EPHA5: variants seen among roughly 807,000 people sequenced by gnomAD.
The protein encoded by EPHA5 is EPH receptor A5, also known as ephrin type-A receptor 5.
EPHA5 carries 60 observed loss-of-function variants against 105.0 expected under a neutral mutation model. The ratio of observed to expected loss-of-function variants is 0.57; its 90% confidence interval spans 0.46 to 0.71. The LOEUF is 0.71. Among genes scored for constraint, EPHA5 ranks in the 30% least tolerant of loss-of-function variants. The pLI, the probability that EPHA5 is intolerant of heterozygous loss-of-function variation, is 0.00. For missense variants in EPHA5, 1,218 were observed against 1,274.7 expected (o/e 0.96, Z 0.68); for synonymous variants, 513 against 449.1 (o/e 1.14, Z -1.80).
At chr4:65,506,766 A>G (rs997944083) in intron 3 of EPHA5, among the ~76,000 whole-genome samples, 4 of 151,464 alleles carry the variant, frequency 2.6e-5, no homozygotes, top group African/African-American at 9.7e-5. Context: ...TCGATTCTGG[A>G]TATTAGCCCT....
intron 8 of EPHA5, among the ~76,000 whole-genome samples, chr4:65,379,825 C>T (rs1388682353): frequency 1.3e-5 from 2 of 151,578 alleles, no homozygotes; most frequent in Non-Finnish European, 1.5e-5. Context: ...ATCATTTCCA[C>T]GAAATACGTT....
rs983755524 is a variant in EPHA5 at position 65,639,735 on chromosome 4, G to A, written c.246+3628C>T. Among the ~76,000 whole-genome samples, 6 of 152,004 alleles carry A rather than the reference G, an allele frequency of 3.9e-5. No individual in the cohort carries two copies. In the East Asian group the frequency reaches 7.7e-4, roughly 20 times the overall value. ...CCATTATATCTGTGTTCTTTCCACC[G>A]ATCTCTAAGTTTCTGTTTATTTCTG... is the stretch of plus-strand genomic sequence containing the variant. On this transcript the variant is annotated intron_variant, in intron 2 of 16. Transcript: ENST00000613740.
chr4:65,596,419 G>T (rs1420412577), intron 3 of EPHA5, among the ~76,000 whole-genome samples: 1 of 151,650 alleles, frequency 6.6e-6, no homozygotes, highest in African/African-American at 2.4e-5. Flanking sequence ...TAATTATCTG[G>T]CCCAAAATAT....
chr4:65,571,193 A>C (rs1451579685), intron 3 of EPHA5, among the ~76,000 whole-genome samples: 1 of 152,086 alleles, frequency 6.6e-6, no homozygotes, highest in Non-Finnish European at 1.5e-5. Flanking sequence ...TTATGGAAGT[A>C]ATGGAATGGG....
chr4:65,608,360 C>T (rs1371589697), intron 2 of EPHA5, among the ~76,000 whole-genome samples: 2 of 151,844 alleles, frequency 1.3e-5, no homozygotes, highest in Non-Finnish European at 2.9e-5. Context: ...AAAAATTAGC[C>T]GGGCGTGGTG....
intron 5 of EPHA5, among the ~76,000 whole-genome samples, chr4:65,468,342 CA>C (rs1430054522): frequency 6.6e-6 from 1 of 150,690 alleles, no homozygotes; most frequent in African/African-American, 2.4e-5. Context: ...TAAAATGTCA[CA>C]ATATATATTT....
chr4:65,616,992 ATACAG>A (rs1340210503), intron 2 of EPHA5, among the ~76,000 whole-genome samples: 2 of 152,104 alleles, frequency 1.3e-5, no homozygotes, highest in Non-Finnish European at 2.9e-5. Flanking sequence ...TAGAAAAGCG[ATACAG>A]TAAATTATAC....
At chr4:65,554,556 A>G (rs1398765142) in intron 3 of EPHA5, among the ~76,000 whole-genome samples, 2 of 151,528 alleles carry the variant, frequency 1.3e-5, no homozygotes, top group African/African-American at 2.4e-5. Flanking sequence ...AAATAATTAT[A>G]ATAAATGTAT....
intron 13 of EPHA5, among the ~76,000 whole-genome samples, chr4:65,350,166 A>G (rs13123585): frequency 0.56 from 85,754 of 151,844 alleles, 24,653 homozygotes; most frequent in East Asian, 0.81. Context: ...AATTTATTAA[A>G]GGTAACTCTA....
chr4:65,366,962 T>G (rs1467490792), intron 9 of EPHA5, among the ~76,000 whole-genome samples: 1 of 147,918 alleles, frequency 6.8e-6, no homozygotes, highest in South Asian at 2.1e-4. Context: ...CACTAAAAGC[T>G]AGAAGAAAAA....
At chr4:65,579,831 T>C (rs576164155) in intron 3 of EPHA5, among the ~76,000 whole-genome samples, 92 of 152,120 alleles carry the variant, frequency 6.0e-4, no homozygotes, top group African/African-American at 2.2e-3. Flanking sequence ...AGCCGATCAA[T>C]GTAAACATAC....
In EPHA5 at chr4:65,403,669, G is replaced by A. The variant is rs940263187; in HGVS notation, c.1793+705C>T. Among the ~76,000 whole-genome samples the A allele has an allele frequency of 4.0e-5, 6 of 151,858 alleles. No individual in the cohort carries two copies. In the South Asian group the frequency reaches 1.3e-3, roughly 32 times the overall value. On this transcript the variant is annotated intron_variant, in intron 8 of 16. Coordinates refer to ENST00000613740, the MANE Select transcript of EPHA5 (RefSeq NM_001281766.3). ...TTTTATTTTTAAGGAGGTTGATTAT[G>A]CTCAGCTTAATATCAGAAAGCACCT... is the stretch of plus-strand genomic sequence containing the variant.
chr4:65,634,032 A>C lies in EPHA5; in HGVS notation c.246+9331T>G, dbSNP rs137859102. The stretch of plus-strand genomic sequence containing the variant: ...GATTTCACTGCATGAACTGCTAACG[A>C]GGAGGAACAGAGTTTGTCTGGATGT... On this transcript the variant is annotated intron_variant, in intron 2 of 16. Coordinates refer to ENST00000613740, the MANE Select transcript of EPHA5 (RefSeq NM_001281766.3). Among the ~76,000 whole-genome samples the C allele has an allele frequency of 4.6e-5, 7 of 152,164 alleles. No homozygotes were observed. The East Asian group carries it at 1.4e-3, about 29-fold the overall frequency.
chr4:65,450,269 G>A (rs1241417993), intron 5 of EPHA5, among the ~76,000 whole-genome samples: 12 of 152,080 alleles, frequency 7.9e-5, no homozygotes. Flanking sequence ...ATCTCATTTA[G>A]AAAACAAAAG....
chr4:65,416,825 A>G (rs1723430098), intron 6 of EPHA5, among the ~76,000 whole-genome samples: 3 of 152,230 alleles, frequency 2.0e-5, no homozygotes, highest in Admixed American at 2.0e-4. Context: ...ACCAACGAAT[A>G]CACATTGTGA....
rs963225312 is a variant in EPHA5, at chr4:65,463,050, T to C, written c.1402+27327A>G. 2.0e-5 allele frequency among the ~76,000 whole-genome samples: 3 copies of C among 152,310 alleles called. No individual in the cohort carries two copies. The East Asian group carries it at 5.8e-4, about 29-fold the overall frequency. On this transcript the variant is annotated intron_variant, in intron 5 of 16. Transcript: ENST00000613740. ...TGATCTATAAATTCTGTTTAAAGTA[T>C]TTTTCAAAAAGGTAAGTATGTAGTA... is the stretch of plus-strand genomic sequence containing the variant.
intron 3 of EPHA5, among the ~76,000 whole-genome samples, chr4:65,566,659 G>A (rs1739565312): frequency 6.6e-6 from 1 of 151,680 alleles, no homozygotes; most frequent in African/African-American, 2.4e-5. Flanking sequence ...AAGCTCTAAG[G>A]TGGTTAGAAA....
At chr4:65,354,791 T>C (rs1205473074) in intron 11 of EPHA5, among the ~76,000 whole-genome samples, 9 of 151,658 alleles carry the variant, frequency 5.9e-5, no homozygotes, top group African/African-American at 2.2e-4. Context: ...GAAAAAAGAA[T>C]GTTTTAGTCC....
At chr4:65,451,638 A>G (rs538695501) in intron 5 of EPHA5, among the ~76,000 whole-genome samples, 2 of 152,178 alleles carry the variant, frequency 1.3e-5, no homozygotes, top group East Asian at 1.9e-4. Flanking sequence ...AAGTTTTTAT[A>G]ACTATAGTCA....
Sources: allele counts gnomAD v4.1 joint callset (sites outside exome capture counted in the v4.1 genomes callset), GRCh38; gene constraint gnomAD v4.1.1; transcripts MANE v1.5; gene names NCBI Gene and HGNC (gene_info 2026-07-23, HGNC 2026-07-21).